The following PKP4 variants were observed in gnomAD, a reference collection of about 807,000 sequenced individuals.
PKP4 encodes the protein plakophilin-4.
In PKP4, 90 loss-of-function variants were observed where a neutral mutation model predicts 145.1. That is an observed-to-expected ratio of 0.62 (90% confidence interval 0.52 to 0.74). PKP4 has a LOEUF of 0.74. Ranked by LOEUF, PKP4 falls within the 30% of genes least tolerant of loss-of-function variation. The pLI is 0.00. For missense variants in PKP4, 1,340 were observed against 1,482.7 expected (o/e 0.90, Z 1.58); for synonymous variants, 563 against 577.2 (o/e 0.98, Z 0.35).
chr2:158,489,821 C>T (rs1424729306), intron 1 of PKP4, among the ~76,000 whole-genome samples: 4 of 152,092 alleles, frequency 2.6e-5, no homozygotes, highest in Non-Finnish European at 4.4e-5. Context: ...TTATGTCCAG[C>T]GAAACTCTCA....
intron 9 of PKP4, among the ~76,000 whole-genome samples, chr2:158,636,820 C>T (rs1384033978): frequency 1.3e-5 from 2 of 151,946 alleles, no homozygotes; most frequent in Non-Finnish European, 2.9e-5. Flanking sequence ...TTTTTATTTC[C>T]AATCCTTGAA....
intron 1 of PKP4, among the ~76,000 whole-genome samples, chr2:158,471,677 A>T (rs1691592207): frequency 6.6e-6 from 1 of 152,224 alleles, no homozygotes; most frequent in Admixed American, 6.5e-5. Flanking sequence ...CTGTTTTAAT[A>T]TTTCTCCAAT....
chr2:158,526,098 A>T (rs1574288805), intron 1 of PKP4, among the ~76,000 whole-genome samples: 1 of 151,536 alleles, frequency 6.6e-6, no homozygotes, highest in East Asian at 2.0e-4. Context: ...TATTCCAATG[A>T]ATAGAAAAAG....
chr2:158,625,703 C>T (rs562667418), intron 7 of PKP4, among the ~76,000 whole-genome samples: 3 of 151,746 alleles, frequency 2.0e-5, no homozygotes, highest in African/African-American at 7.3e-5. Context: ...GCTTTTTTTG[C>T]ATTTCATAAG....
intron 2 of PKP4, among the ~76,000 whole-genome samples, chr2:158,543,791 A>C (rs886611641): frequency 2.6e-5 from 4 of 152,124 alleles, no homozygotes; most frequent in African/African-American, 9.7e-5. Context: ...CCCTTGGGAG[A>C]AGAGCACTGA....
At chr2:158,669,188 G>A (rs1436740041) in intron 16 of PKP4, 1 of 152,128 alleles carries the variant, frequency 6.6e-6, no homozygotes, top group East Asian at 1.9e-4. Flanking sequence ...ATGAGTTGCT[G>A]TACACCTCAG....
chr2:158,526,030 T>A (rs1031573711), intron 1 of PKP4, among the ~76,000 whole-genome samples: 128 of 151,764 alleles, frequency 8.4e-4, no homozygotes, highest in Non-Finnish European at 1.7e-3. Flanking sequence ...ACCAGATGGA[T>A]TCACAGCCGA....
At chr2:158,617,507 C>T (rs2051758195) in intron 4 of PKP4, among the ~76,000 whole-genome samples, 1 of 152,194 alleles carries the variant, frequency 6.6e-6, no homozygotes, top group African/African-American at 2.4e-5. Flanking sequence ...GTTATTTGCA[C>T]ACTATATACC....
chr2:158,507,262 G>T (rs1125662), intron 1 of PKP4, among the ~76,000 whole-genome samples: 2 of 152,118 alleles, frequency 1.3e-5, no homozygotes, highest in African/African-American at 2.4e-5. Flanking sequence ...AATTGTTTCT[G>T]GGTGTTTTTC....
intron 6 of PKP4, 75 bp from the exon 7 acceptor site, chr2:158,624,803 T>C (rs2052596138): frequency 2.7e-6 from 3 of 1,124,168 alleles, no homozygotes; most frequent in Non-Finnish European, 1.3e-6. Flanking sequence ...GTGAGCTATG[T>C]GTATTTCTTT....
At chr2:158,552,112 G>A (rs897835991) in intron 2 of PKP4, among the ~76,000 whole-genome samples, 3 of 152,222 alleles carry the variant, frequency 2.0e-5, no homozygotes, top group African/African-American at 7.2e-5. Context: ...CTATGAGAGA[G>A]GCAGAGAGAG....
At chr2:158,522,381 G>GGT (rs1383903016) in intron 1 of PKP4, among the ~76,000 whole-genome samples, 1 of 152,118 alleles carries the variant, frequency 6.6e-6, no homozygotes, top group Non-Finnish European at 1.5e-5. Flanking sequence ...GAGTATATGT[G>GGT]GTCTGCAGCC....
chr2:158,478,815 A>G (rs1574008616), intron 1 of PKP4, among the ~76,000 whole-genome samples: 1 of 152,264 alleles, frequency 6.6e-6, no homozygotes, highest in Non-Finnish European at 1.5e-5. Flanking sequence ...ACTATTATTC[A>G]TATTTTTAAA....
chr2:158,522,062 T>C (rs1385069478), intron 1 of PKP4, among the ~76,000 whole-genome samples: 2 of 152,206 alleles, frequency 1.3e-5, no homozygotes, highest in African/African-American at 4.8e-5. Context: ...ATGACAACTA[T>C]ATGTTATATT....
At chr2:158,533,580 T>C (rs2043772477) in intron 2 of PKP4, 1 of 541,308 alleles carries the variant, frequency 1.8e-6, no homozygotes, top group Non-Finnish European at 3.6e-6. Flanking sequence ...CTCTCCCACA[T>C]TGCAGAGTGT....
intron 1 of PKP4, among the ~76,000 whole-genome samples, chr2:158,522,493 T>A (rs897285927): frequency 4.6e-5 from 7 of 152,162 alleles, no homozygotes; most frequent in Non-Finnish European, 7.3e-5. Context: ...ATGAGCCTCT[T>A]TGTGTTCAAT....
rs370250430 is a variant in PKP4, at chr2:158,642,581, C to A, written c.1791C>A (p.Leu597=). Residue 597 remains leucine, a synonymous_variant, in exon 11 of 22, where the codon CTC becomes CTA. Transcript: ENST00000389759. ...QKNACGALRN[L]VFGKSTDENK... is the part of the protein sequence containing the mutation. ...ATGCTTGTGGTGCCCTTCGAAACCT[C>A]GTTTTTGGCAAGTCTACAGATGAAA... 1.9e-6 allele frequency: 3 copies of A among 1,613,752 alleles called. No homozygotes were observed. Among genetic ancestry groups the A allele is most frequent in the Admixed American group, 1.7e-5 (1 of 59,998 alleles).
In PKP4 at chr2:158,640,708, A is replaced by T. The variant is rs2054205787; in HGVS notation, c.1644A>T (p.Ala548=). 1 of 1,614,042 alleles carries T rather than the reference A, an allele frequency of 6.2e-7. No individual in the cohort carries two copies. Among genetic ancestry groups the T allele is most frequent in the African/African-American group, 1.3e-5 (1 of 74,926 alleles). The change falls in exon 10 of 22, where the codon GCA becomes GCT. Residue 548 remains alanine (A), a synonymous_variant. Transcript: ENST00000389759. ...QHQFPSVQAN[A]AAYLQHLCFG... is the part of the protein sequence containing the mutation. ...AGTTCCCATCTGTTCAGGCAAATGC[A>T]GCGGCCTACCTGCAGCACCTGTGCT...
intron 6 of PKP4, among the ~76,000 whole-genome samples, chr2:158,623,619 C>T (rs1335640262): frequency 6.6e-6 from 1 of 152,190 alleles, no homozygotes; most frequent in Non-Finnish European, 1.5e-5. Flanking sequence ...AACTTGAACA[C>T]ACAGTGAGTT....
Sources: gnomAD v4.1 joint callset for allele counts (sites outside exome capture counted in the v4.1 genomes callset) on GRCh38, gnomAD v4.1.1 for gene constraint, MANE v1.5 for transcripts, NCBI Gene and HGNC (gene_info 2026-07-23, HGNC 2026-07-21) for gene names.